Variants in ESRRG observed in about 807,000 individuals in gnomAD.
ESRRG encodes the protein estrogen related receptor gamma, also known as estrogen-related receptor gamma.
In ESRRG, 13 loss-of-function variants were observed where a neutral mutation model predicts 44.0. That is an observed-to-expected ratio of 0.30 (90% CI 0.19 to 0.47). The LOEUF (loss-of-function observed/expected upper bound fraction) is 0.47. ESRRG is among the 20% of genes least tolerant of loss of function. ESRRG has a pLI of 1.00. For missense variants in ESRRG, 395 were observed against 580.6 expected (o/e 0.68, Z 3.29); for synonymous variants, 215 against 214.6 (o/e 1.00, Z -0.02).
chr1:216,816,727 G>A (rs1313440163), intron 2 of ESRRG, among the ~76,000 whole-genome samples: 1 of 152,090 alleles, frequency 6.6e-6, no homozygotes, highest in Non-Finnish European at 1.5e-5. Context: ...CTCATTGAAG[G>A]GAAGAGAAAT....
intron 2 of ESRRG, among the ~76,000 whole-genome samples, chr1:216,913,111 CAAAAAAAAA>C (rs36067159): frequency 3.2e-5 from 2 of 62,814 alleles, no homozygotes; most frequent in Non-Finnish European, 6.9e-5. Flanking sequence ...GACTCTGTCT[CAAAAAAAAA>C]AAAAAAAAAA....
chr1:216,612,159 T>C (rs752011621), intron 3 of ESRRG, among the ~76,000 whole-genome samples: 7 of 152,096 alleles, frequency 4.6e-5, no homozygotes, highest in African/African-American at 1.2e-4. Context: ...TATACTAAAG[T>C]AGCGGGAAAG....
chr1:216,764,200 C>A (rs1027703670), intron 2 of ESRRG, among the ~76,000 whole-genome samples: 4 of 151,782 alleles, frequency 2.6e-5, no homozygotes, highest in Non-Finnish European at 5.9e-5. Flanking sequence ...TTCTCTCCCC[C>A]ACTGCCCCCC....
At chr1:216,894,356 A>C (rs1259877794) in intron 2 of ESRRG, among the ~76,000 whole-genome samples, 2 of 152,212 alleles carry the variant, frequency 1.3e-5, no homozygotes, top group Non-Finnish European at 2.9e-5. Flanking sequence ...TCCCTGAGTC[A>C]GGTAATTTGT....
At position 216,575,082 on chromosome 1, in the gene ESRRG, C is replaced by A. The variant is rs11572758; in HGVS notation, c.590-6984G>T. 9.2e-3 allele frequency among the ~76,000 whole-genome samples: 1,394 copies of A among 152,144 alleles called. 20 individuals are homozygous for A. The highest frequency in any genetic ancestry group is 0.032 in the African/African-American group (1,343 of 41,518). On this transcript the variant is annotated intron_variant, in intron 3 of 6. Coordinates refer to ENST00000408911, the MANE Select transcript of ESRRG (RefSeq NM_001438.4). ...AGACACAGCAGTGGCAATTTTAGTG[C>A]CAGCCTCTGATGGGGTTCTCCTTCG...
At chr1:217,102,377 A>T (rs1420280212) in intron 1 of ESRRG, among the ~76,000 whole-genome samples, 3 of 152,180 alleles carry the variant, frequency 2.0e-5, no homozygotes, top group Admixed American at 1.3e-4. Context: ...AAATAATAAT[A>T]ATTAATATGT....
chr1:216,989,944 G>A (rs2075428123), intron 1 of ESRRG, among the ~76,000 whole-genome samples: 1 of 152,130 alleles, frequency 6.6e-6, no homozygotes, highest in African/African-American at 2.4e-5. Flanking sequence ...CATGGGGGAG[G>A]AGACAGAGAA....
chr1:216,993,045 C>T lies in ESRRG; in HGVS notation c.-105-53372G>A, dbSNP rs147663958. Among the ~76,000 whole-genome samples, 294 of 152,178 alleles carry T rather than the reference C, an allele frequency of 1.9e-3. 1 individual carries two copies. The Middle Eastern group carries it at 0.037, about 19-fold the overall frequency. On this transcript the variant is annotated intron_variant, in intron 1 of 7. Transcript: ENST00000359162. ...TTTACTAGGTTTAGCTCTACCAACC[C>T]GAATGTAAGTTTCAAAAAAGTAGGA...
At chr1:216,943,931 C>T (rs1230693232) in intron 1 of ESRRG, among the ~76,000 whole-genome samples, 1 of 152,058 alleles carries the variant, frequency 6.6e-6, no homozygotes, top group East Asian at 1.9e-4. Context: ...AGATGTAGGG[C>T]AAAGACAACT....
At chr1:216,567,553 G>A (rs2059906229) in intron 4 of ESRRG, among the ~76,000 whole-genome samples, 1 of 152,146 alleles carries the variant, frequency 6.6e-6, no homozygotes, top group African/African-American at 2.4e-5. Context: ...TTCATTGGGA[G>A]GTTGAGCAGT....
At chr1:216,723,498 A>AT, upstream of ESRRG, 1 of 561,756 alleles carries the variant, frequency 1.8e-6, no homozygotes, top group Non-Finnish European at 3.2e-6. Flanking sequence ...GGCTTTACAT[A>AT]TGCAGTCCCA....
intron 2 of ESRRG, among the ~76,000 whole-genome samples, chr1:216,665,478 A>G (rs1477275833): frequency 6.6e-6 from 1 of 152,176 alleles, no homozygotes; most frequent in African/African-American, 2.4e-5. Context: ...CTTATAGGAG[A>G]TATCTAGAGC....
intron 5 of ESRRG, among the ~76,000 whole-genome samples, chr1:216,550,592 T>C (rs1263480303): frequency 2.0e-5 from 3 of 152,098 alleles, no homozygotes; most frequent in Non-Finnish European, 4.4e-5. Context: ...AAGCCAAGTA[T>C]GGACGCAACA....
At chr1:216,532,455 T>C (rs899264888) in intron 5 of ESRRG, among the ~76,000 whole-genome samples, 1 of 152,176 alleles carries the variant, frequency 6.6e-6, no homozygotes, top group Admixed American at 6.5e-5. Flanking sequence ...TAATAAAATA[T>C]CAATATTTAC....
At chr1:217,136,946 G>T (rs2093058283) in intron 1 of ESRRG, among the ~76,000 whole-genome samples, 1 of 152,198 alleles carries the variant, frequency 6.6e-6, no homozygotes, top group African/African-American at 2.4e-5. Context: ...GGTACCGGGA[G>T]AGGAGAGTCC....
chr1:216,574,209 G>A (rs1449605000), intron 3 of ESRRG, among the ~76,000 whole-genome samples: 1 of 152,012 alleles, frequency 6.6e-6, no homozygotes, highest in Non-Finnish European at 1.5e-5. Context: ...TTTAATAGCT[G>A]GCATTACCTA....
chr1:217,128,054 C>T (rs994091735), intron 1 of ESRRG, among the ~76,000 whole-genome samples: 4 of 152,156 alleles, frequency 2.6e-5, no homozygotes, highest in Non-Finnish European at 4.4e-5. Context: ...TGCACAGGTA[C>T]TTAGGCAGTA....
intron 2 of ESRRG, among the ~76,000 whole-genome samples, chr1:216,927,413 T>C (rs992833821): frequency 1.3e-5 from 2 of 152,148 alleles, no homozygotes; most frequent in Non-Finnish European, 2.9e-5. Flanking sequence ...AGGGAGGCGT[T>C]CTTGGCCTGA....
intron 2 of ESRRG, among the ~76,000 whole-genome samples, chr1:216,664,462 T>C (rs2073345331): frequency 1.3e-5 from 2 of 150,028 alleles, no homozygotes; most frequent in Non-Finnish European, 3.0e-5. Context: ...ATATTTATTA[T>C]TACTATTAAT....
Sources: gnomAD v4.1 joint callset for allele counts (sites outside exome capture counted in the v4.1 genomes callset) on GRCh38, gnomAD v4.1.1 for gene constraint, MANE v1.5 for transcripts, NCBI Gene and HGNC (gene_info 2026-07-23, HGNC 2026-07-21) for gene names.